CMTM8: variants seen among roughly 807,000 people sequenced by gnomAD.
CMTM8 encodes the protein CKLF-like MARVEL transmembrane domain-containing protein 8.
CMTM8 carries 12 observed loss-of-function variants against 18.6 expected under a neutral mutation model. The ratio of observed to expected loss-of-function variants is 0.65; its 90% CI spans 0.41 to 1.05. CMTM8 has a LOEUF of 1.05. CMTM8 is among the 50% of genes least tolerant of loss of function. The pLI is 0.00. For missense variants in CMTM8, 217 were observed against 227.2 expected (o/e 0.95, Z 0.29); for synonymous variants, 87 against 90.6 (o/e 0.96, Z 0.23).
chr3:32,316,569 G>A (rs897663036), intron 1 of CMTM8, among the ~76,000 whole-genome samples: 36 of 152,338 alleles, frequency 2.4e-4, no homozygotes, highest in Admixed American at 5.9e-4. Flanking sequence ...GTGGCTAAAC[G>A]TATAGAGCCT....
chr3:32,284,969 T>C (rs1460058115), intron 1 of CMTM8, among the ~76,000 whole-genome samples: 1 of 152,158 alleles, frequency 6.6e-6, no homozygotes, highest in Non-Finnish European at 1.5e-5. Context: ...CTGACTTTGA[T>C]GAGCAGTTTA....
intron 1 of CMTM8, chr3:32,260,096 G>A: frequency 9.5e-7 from 1 of 1,053,950 alleles, no homozygotes. Context: ...GTTGGAAGAT[G>A]GCGAGGACTT....
intron 1 of CMTM8, among the ~76,000 whole-genome samples, chr3:32,295,463 AAAAAAAAAAAAAAAAC>A (rs1702857094): frequency 7.3e-6 from 1 of 137,642 alleles, no homozygotes; most frequent in South Asian, 2.3e-4. Flanking sequence ...CTCAAAAAAA[AAAAAAAAAAAAAAAAC>A]AAAACAAAAC....
Position 32,346,422 on chromosome 3 carries a change from T to A in CMTM8, c.148-10951T>A, listed in dbSNP as rs531343409. Among the ~76,000 whole-genome samples the A allele has an allele frequency of 2.6e-5, 4 of 152,282 alleles. No individual in the cohort carries two copies. In the East Asian group the frequency reaches 7.7e-4, roughly 29 times the overall value. Reference sequence around the variant, plus strand: ...CTTGGGCTGCCATAACAAAATACCATAGACTGGGTGGCTTAAACAACAGGA... The same window carrying A: ...CTTGGGCTGCCATAACAAAATACCAAAGACTGGGTGGCTTAAACAACAGGA... On this transcript the variant is annotated intron_variant, in intron 1 of 3. Transcript: ENST00000307526.
At chr3:32,267,186 C>T (rs1702361085) in intron 1 of CMTM8, among the ~76,000 whole-genome samples, 1 of 152,218 alleles carries the variant, frequency 6.6e-6, no homozygotes, top group Non-Finnish European at 1.5e-5. Context: ...CATCACACTA[C>T]CTGACTTCAA....
chr3:32,352,688 AG>A (rs1219502894), intron 1 of CMTM8, among the ~76,000 whole-genome samples: 2 of 152,182 alleles, frequency 1.3e-5, no homozygotes, highest in Non-Finnish European at 2.9e-5. Context: ...TCACCCTTAG[AG>A]GAGAGGAGTA....
intron 1 of CMTM8, among the ~76,000 whole-genome samples, chr3:32,291,149 TAC>T (rs949934847): frequency 6.6e-5 from 10 of 151,882 alleles, no homozygotes; most frequent in Non-Finnish European, 1.2e-4. Context: ...TTTTTTTTAA[TAC>T]AGAGTCTCGT....
chr3:32,357,902 A>G (rs1696847913), intron 2 of CMTM8, among the ~76,000 whole-genome samples: 1 of 152,200 alleles, frequency 6.6e-6, no homozygotes, highest in Non-Finnish European at 1.5e-5. Context: ...ACCTCTGCAG[A>G]TCGTGCTTCC....
chr3:32,280,494 G>A (rs1702590044), intron 1 of CMTM8, among the ~76,000 whole-genome samples: 1 of 152,072 alleles, frequency 6.6e-6, no homozygotes, highest in South Asian at 2.1e-4. Flanking sequence ...GACTGGTCAT[G>A]GGCCACTTCT....
intron 1 of CMTM8, among the ~76,000 whole-genome samples, chr3:32,311,836 T>C (rs908545587): frequency 1.3e-5 from 2 of 152,162 alleles, no homozygotes; most frequent in Admixed American, 6.5e-5. Flanking sequence ...CAATTGCAAG[T>C]AGTAGGTCCT....
At position 32,330,748 on chromosome 3, in the gene CMTM8, C is replaced by A. The variant is rs1341054937; in HGVS notation, c.148-26625C>A. 2.0e-5 allele frequency among the ~76,000 whole-genome samples: 3 copies of A among 152,132 alleles called. No homozygotes were observed. The East Asian group carries it at 5.8e-4, about 29-fold the overall frequency. On this transcript the variant is annotated intron_variant, in intron 1 of 3. Coordinates refer to ENST00000307526, the MANE Select transcript of CMTM8 (RefSeq NM_178868.5). ...AGACTACACAATGAGAAAGAAAGGA[C>A]AGTCTCTTCAACAAATGGTTGGGAA...
intron 1 of CMTM8, among the ~76,000 whole-genome samples, chr3:32,270,215 C>T (rs1702416161): frequency 6.6e-6 from 1 of 152,142 alleles, no homozygotes; most frequent in Admixed American, 6.5e-5. Flanking sequence ...AGCCACTGTG[C>T]CTGGCCTAGA....
intron 1 of CMTM8, among the ~76,000 whole-genome samples, chr3:32,277,938 C>T (rs1702544543): frequency 6.6e-6 from 1 of 152,182 alleles, no homozygotes. Flanking sequence ...AAGACCAAAA[C>T]AAGTGGCTTA....
At chr3:32,368,456 ATTTT>A (rs10594471) in intron 3 of CMTM8, among the ~76,000 whole-genome samples, 11 of 128,104 alleles carry the variant, frequency 8.6e-5, no homozygotes, top group Non-Finnish European at 9.8e-5. Flanking sequence ...AGAAACTTCT[ATTTT>A]TTTTTTTTTT....
In CMTM8 at chr3:32,358,872, T is replaced by C. The variant is rs957454899; in HGVS notation, c.321+1326T>C. ...ATCAGGAGGGAAAGACTCGCTTAGA[T>C]GCTAGATTCAAAAAAAGTTAGCACC... On this transcript the variant is annotated intron_variant, in intron 2 of 3. Coordinates refer to ENST00000307526, the MANE Select transcript of CMTM8 (RefSeq NM_178868.5). This position sits in a 1 kb window ranked among gnomAD's most constrained non-coding sequence, Gnocchi z 4.1. 2.4e-4 allele frequency among the ~76,000 whole-genome samples: 37 copies of C among 152,204 alleles called. No individual in the cohort carries two copies. The highest frequency in any genetic ancestry group is 8.8e-5 in the Non-Finnish European group (6 of 68,038).
chr3:32,248,244 G>A (rs1186680713), intron 1 of CMTM8, among the ~76,000 whole-genome samples: 1 of 152,136 alleles, frequency 6.6e-6, no homozygotes, highest in Non-Finnish European at 1.5e-5. Flanking sequence ...TCTGGATTCT[G>A]TTGCGTCTAT....
At position 32,341,995 on chromosome 3, in the gene CMTM8, C is replaced by T. The variant is rs374716353; in HGVS notation, c.148-15378C>T. Among the ~76,000 whole-genome samples the T allele has an allele frequency of 3.7e-4, 56 of 152,192 alleles. 1 individual carries two copies. The highest frequency in any genetic ancestry group is 3.1e-3 in the East Asian group (16 of 5,172). On this transcript the variant is annotated intron_variant, in intron 1 of 3. Transcript: ENST00000307526. ...GGGCATGGTGGCTCACGCCTGTAATCCCAGCACTTTGGGAGGCTGAGGTGG... is the reference window on the plus strand; with the variant it reads ...GGGCATGGTGGCTCACGCCTGTAATTCCAGCACTTTGGGAGGCTGAGGTGG...
chr3:32,365,568 C>G (rs1697018702), intron 2 of CMTM8, among the ~76,000 whole-genome samples: 1 of 152,136 alleles, frequency 6.6e-6, no homozygotes. Flanking sequence ...GCCTCAGCCT[C>G]CTGAGTAGCT....
Position 32,265,371 on chromosome 3 carries a change from T to G in CMTM8, c.147+26252T>G, listed in dbSNP as rs1702323136. ...AATGACTACTGGGTACATAACGGAA[T>G]GAAGGCAGAAATAAAGATATTCTTT... On this transcript the variant is annotated intron_variant, in intron 1 of 3. Coordinates refer to ENST00000307526, the MANE Select transcript of CMTM8 (RefSeq NM_178868.5). Among the ~76,000 whole-genome samples, 3 of 152,156 alleles carry G rather than the reference T, an allele frequency of 2.0e-5. No individual in the cohort carries two copies. The South Asian group carries it at 6.2e-4, about 32-fold the overall frequency.
Sources: gnomAD v4.1 joint callset for allele counts (sites outside exome capture counted in the v4.1 genomes callset) on GRCh38, gnomAD v4.1.1 for gene constraint, Gnocchi (gnomAD v3.1) non-coding constraint, MANE v1.5 for transcripts, NCBI Gene and HGNC (gene_info 2026-07-23, HGNC 2026-07-21) for gene names.